TENM2: variants seen among roughly 807,000 people sequenced by gnomAD.
TENM2 encodes the protein teneurin-2.
In TENM2, 52 loss-of-function variants were observed where a neutral mutation model predicts 245.2. The ratio of observed to expected loss-of-function variants is 0.21; its 90% CI spans 0.17 to 0.27. The LOEUF is 0.27. Among genes scored for constraint, TENM2 ranks in the 10% least tolerant of loss-of-function variants. The pLI, the probability that TENM2 is intolerant of heterozygous loss-of-function variation, is 1.00. For synonymous variants in TENM2, 1,363 were observed against 1,438.9 expected (o/e 0.95, Z 1.19); for missense variants, 3,046 against 3,666.8 (o/e 0.83, Z 4.37).
intron 2 of TENM2, among the ~76,000 whole-genome samples, chr5:167,548,453 C>T (rs1485168119): frequency 6.6e-6 from 1 of 152,020 alleles, no homozygotes; most frequent in Non-Finnish European, 1.5e-5. Context: ...ATTCACAAAG[C>T]TAATTTTCCT....
At chr5:167,108,955 T>C in the TENM2 span, among the ~76,000 whole-genome samples, 1 of 152,316 alleles carries the variant, frequency 6.6e-6, no homozygotes, top group African/African-American at 2.4e-5. Flanking sequence ...CTGGGGAGTC[T>C]ACAACAGAAT....
intron 2 of TENM2, among the ~76,000 whole-genome samples, chr5:167,727,851 C>A (rs1390095755): frequency 2.0e-5 from 3 of 152,218 alleles, no homozygotes; most frequent in African/African-American, 7.2e-5. Context: ...AGTACAAACT[C>A]TTTCCTTTAT....
At chr5:168,047,984 A>G (rs1296424419) in intron 6 of TENM2, among the ~76,000 whole-genome samples, 1 of 152,198 alleles carries the variant, frequency 6.6e-6, no homozygotes, top group African/African-American at 2.4e-5. Context: ...CTCTCCCAGG[A>G]GACATGCAGC....
intron 12 of TENM2, among the ~76,000 whole-genome samples, chr5:168,148,303 C>G (rs1450542474): frequency 6.6e-6 from 1 of 152,186 alleles, no homozygotes; most frequent in African/African-American, 2.4e-5. Context: ...TAAGGGCACA[C>G]TCATTATGCA....
intron 3 of TENM2, among the ~76,000 whole-genome samples, chr5:167,921,464 T>C (rs909380006): frequency 6.6e-6 from 1 of 152,164 alleles, no homozygotes; most frequent in Non-Finnish European, 1.5e-5. Context: ...TCCTGGTCAA[T>C]GTGAAGAATA....
intron 2 of TENM2, among the ~76,000 whole-genome samples, chr5:167,713,060 A>T (rs942584290): frequency 1.3e-5 from 2 of 152,104 alleles, no homozygotes; most frequent in Non-Finnish European, 2.9e-5. Flanking sequence ...ATATATGTGT[A>T]TACATATGTG....
At chr5:167,776,634 T>G (rs1319412722) in intron 2 of TENM2, among the ~76,000 whole-genome samples, 1 of 3,476 alleles carries the variant, frequency 2.9e-4, no homozygotes, top group East Asian at 0.017. Flanking sequence ...AAACCATATA[T>G]ATGTATCTAT....
intron 2 of TENM2, among the ~76,000 whole-genome samples, chr5:167,855,791 AAGGGAGGAAAGG>A (rs1436586671): frequency 4.8e-5 from 6 of 125,518 alleles, no homozygotes; most frequent in African/African-American, 1.5e-4. Context: ...AGGAGGAAGG[AAGGGAGGAAAGG>A]AGGGAGGGAA....
the TENM2 span, among the ~76,000 whole-genome samples, chr5:167,241,293 A>C: frequency 6.6e-6 from 1 of 152,232 alleles, no homozygotes; most frequent in Non-Finnish European, 1.5e-5. Flanking sequence ...AATAGAAAAA[A>C]AAGTCTTGTT....
intron 2 of TENM2, among the ~76,000 whole-genome samples, chr5:167,446,951 C>G (rs1046533719): frequency 6.6e-6 from 1 of 151,932 alleles, no homozygotes; most frequent in African/African-American, 2.4e-5. Context: ...TTGTATAATA[C>G]CAGTTGAACA....
At chr5:167,628,374 G>A (rs148119103) in intron 2 of TENM2, among the ~76,000 whole-genome samples, 31 of 152,296 alleles carry the variant, frequency 2.0e-4, no homozygotes, top group Middle Eastern at 3.4e-3. Flanking sequence ...ACAGCATAAC[G>A]TTGAAGGTCC....
At chr5:167,016,073 T>C in the TENM2 span, among the ~76,000 whole-genome samples, 1 of 151,814 alleles carries the variant, frequency 6.6e-6, no homozygotes, top group Non-Finnish European at 1.5e-5. Flanking sequence ...GCTAACACGA[T>C]GAAACTCCGT....
rs68098895 is a variant in TENM2, at chr5:167,411,883, T to TGAAA, written c.502+36412_502+36413insAAGA. The stretch of plus-strand genomic sequence containing the variant: ...CATGTCTAAATACATTTGTGTTGAC[T>TGAAA]GACTGCTGATCAAACTACATGTGTG... On this transcript the variant is annotated intron_variant, in intron 2 of 28. Transcript: ENST00000518659. 7.0e-3 allele frequency among the ~76,000 whole-genome samples: 125 copies of TGAAA among 17,746 alleles called. 2 individuals carry two copies. The South Asian group carries it at 0.17, about 24-fold the overall frequency. The allele number at this position is 17,746 out of a possible 152,430, so 11.6% of individuals were successfully genotyped here.
intron 2 of TENM2, among the ~76,000 whole-genome samples, chr5:167,470,736 G>A (rs965520150): frequency 6.6e-6 from 1 of 151,902 alleles, no homozygotes; most frequent in Non-Finnish European, 1.5e-5. Context: ...TCACATGCCT[G>A]GTCATGGAGT....
At chr5:168,164,444 T>C (rs1758035386) in intron 13 of TENM2, among the ~76,000 whole-genome samples, 1 of 152,110 alleles carries the variant, frequency 6.6e-6, no homozygotes, top group South Asian at 2.1e-4. Flanking sequence ...TTTATTGGAA[T>C]ACAGCCATGC....
intron 19 of TENM2, among the ~76,000 whole-genome samples, chr5:168,207,824 TCCTC>T (rs1364316839): frequency 6.6e-6 from 1 of 152,150 alleles, no homozygotes; most frequent in East Asian, 1.9e-4. Flanking sequence ...CCTTCCCCCT[TCCTC>T]CTTCCTTTGT....
chr5:167,506,892 C>T (rs35512038), intron 2 of TENM2, among the ~76,000 whole-genome samples: 58,276 of 151,984 alleles, frequency 0.38, 12,897 homozygotes, highest in Non-Finnish European at 0.52. Flanking sequence ...CTTGAACCTA[C>T]TTTTTAAATG....
intron 2 of TENM2, among the ~76,000 whole-genome samples, chr5:167,874,454 C>T (rs1475203921): frequency 6.6e-6 from 1 of 152,142 alleles, no homozygotes; most frequent in African/African-American, 2.4e-5. Context: ...GTCTCTACAT[C>T]AGCAGTACAT....
chr5:167,261,790 T>A, the TENM2 span, among the ~76,000 whole-genome samples: 1 of 152,214 alleles, frequency 6.6e-6, no homozygotes, highest in African/African-American at 2.4e-5. Flanking sequence ...GCTGAATATA[T>A]CCTTACTTTT....
Sources: gnomAD v4.1 joint callset for allele counts (sites outside exome capture counted in the v4.1 genomes callset) on GRCh38, gnomAD v4.1.1 for gene constraint, MANE v1.5 for transcripts, NCBI Gene and HGNC (gene_info 2026-07-23, HGNC 2026-07-21) for gene names.